The following PLEKHH2 variants were observed in gnomAD, a reference collection of about 807,000 sequenced individuals.
PLEKHH2 encodes pleckstrin homology domain-containing family H member 2.
A neutral mutation model predicts 187.9 loss-of-function variants in PLEKHH2; 129 were observed. The ratio of observed to expected loss-of-function variants is 0.69; its 90% CI spans 0.59 to 0.79. The LOEUF is 0.79. Among genes scored for constraint, PLEKHH2 ranks in the 30% least tolerant of loss-of-function variants. The pLI, the probability that PLEKHH2 is intolerant of heterozygous loss-of-function variation, is 0.00. For missense variants in PLEKHH2, 2,076 were observed against 1,751.2 expected (o/e 1.19, Z -3.31); for synonymous variants, 686 against 605.6 (o/e 1.13, Z -1.95).
At chr2:43,684,799 C>T (rs1236989123) in intron 3 of PLEKHH2, among the ~76,000 whole-genome samples, 1 of 139,500 alleles carries the variant, frequency 7.2e-6, no homozygotes, top group Non-Finnish European at 1.5e-5. Context: ...TTATTTTAGA[C>T]ATACTGCTAC....
intron 15 of PLEKHH2, among the ~76,000 whole-genome samples, chr2:43,712,762 A>G (rs755232575): frequency 6.4e-4 from 97 of 152,318 alleles, no homozygotes; most frequent in Non-Finnish European, 4.1e-4. Flanking sequence ...AAAAGACTCA[A>G]TGGGCAGGAA....
chr2:43,728,809 G>A (rs997476194), intron 17 of PLEKHH2, among the ~76,000 whole-genome samples: 4 of 151,902 alleles, frequency 2.6e-5, no homozygotes, highest in African/African-American at 9.7e-5. Context: ...TGATCCACCC[G>A]GCTTGGCCTC....
chr2:43,677,030 A>G (rs753135054), intron 2 of PLEKHH2, among the ~76,000 whole-genome samples: 1 of 152,130 alleles, frequency 6.6e-6, no homozygotes, highest in Non-Finnish European at 1.5e-5. Flanking sequence ...ACTGAAGAAA[A>G]TTCTATTGAT....
At chr2:43,670,671 T>A (rs559563626) in intron 2 of PLEKHH2, among the ~76,000 whole-genome samples, 1 of 152,264 alleles carries the variant, frequency 6.6e-6, no homozygotes, top group East Asian at 1.9e-4. Context: ...CCTGTGCATT[T>A]CTATACAAAT....
intron 3 of PLEKHH2, among the ~76,000 whole-genome samples, chr2:43,686,427 C>G (rs898719372): frequency 6.6e-6 from 1 of 152,310 alleles, no homozygotes; most frequent in East Asian, 1.9e-4. Context: ...AAACTCCTGA[C>G]CTCAGGTGAT....
At chr2:43,722,161 C>T (rs535404508) in intron 16 of PLEKHH2, among the ~76,000 whole-genome samples, 2 of 147,232 alleles carry the variant, frequency 1.4e-5, no homozygotes, top group East Asian at 2.0e-4. Flanking sequence ...GAGGCTAAGG[C>T]AGGAGGATTG....
intron 16 of PLEKHH2, among the ~76,000 whole-genome samples, chr2:43,725,332 T>C (rs1207120765): frequency 6.6e-6 from 1 of 152,164 alleles, no homozygotes; most frequent in African/African-American, 2.4e-5. Context: ...TCTTAGTGTG[T>C]CCAAAGGGAA....
chr2:43,758,238 T>C (rs1397879099), intron 26 of PLEKHH2, among the ~76,000 whole-genome samples: 2 of 152,176 alleles, frequency 1.3e-5, no homozygotes, highest in Non-Finnish European at 2.9e-5. Context: ...GGGATTCATC[T>C]TTGGGCTCTA....
intron 23 of PLEKHH2, 36 bp downstream of exon 23, chr2:43,744,025 G>A (rs930489516): frequency 4.4e-6 from 7 of 1,594,702 alleles, no homozygotes; most frequent in African/African-American, 4.0e-5. Flanking sequence ...CAAGCCCAAC[G>A]AACAGCAAAG....
Position 43,765,579 on chromosome 2 carries a change from A to G in PLEKHH2, c.4463A>G (p.Lys1488Arg). The G allele has an allele frequency of 1.2e-6, 2 of 1,613,680 alleles. No homozygotes were observed. The highest frequency in any genetic ancestry group is 1.7e-6 in the Non-Finnish European group (2 of 1,179,884). Residue 1488 changes from lysine (K) to arginine (R), a missense_variant, in exon 30 of 30, where the codon AAA (lysine) becomes AGA (arginine). Physicochemically the swap from Lys to Arg is conservative, Grantham distance 26. Coordinates refer to ENST00000282406, the MANE Select transcript of PLEKHH2 (RefSeq NM_172069.4). ...QPLLSSSRPT[K>R]GPTLL The stretch of plus-strand genomic sequence containing the variant: ...CTTCTGTCAAGCAGCAGACCGACCA[A>G]AGGCCCCACCTTACTCTGAAAGCTG...
At chr2:43,754,532 G>A (rs1429487118) in intron 25 of PLEKHH2, among the ~76,000 whole-genome samples, 2 of 152,290 alleles carry the variant, frequency 1.3e-5, no homozygotes, top group East Asian at 3.9e-4. Context: ...ACCTACCAGG[G>A]AGTCCGGGGA....
intron 11 of PLEKHH2, among the ~76,000 whole-genome samples, chr2:43,708,637 G>A (rs1199793697): frequency 2.6e-5 from 4 of 152,098 alleles, no homozygotes; most frequent in Non-Finnish European, 4.4e-5. Context: ...GTCTCCTTCC[G>A]CTAGAATTTG....
chr2:43,757,071 C>G, intron 25 of PLEKHH2, 48 bp from the exon 26 acceptor site: 1 of 1,411,760 alleles, frequency 7.1e-7, no homozygotes, highest in East Asian at 2.5e-5. Context: ...GATTTTCTGT[C>G]TTAAAACTCT....
At chr2:43,677,453 G>A (rs986417000) in intron 2 of PLEKHH2, among the ~76,000 whole-genome samples, 7 of 152,064 alleles carry the variant, frequency 4.6e-5, no homozygotes, top group Middle Eastern at 3.2e-3. Context: ...ATCTTGCAAC[G>A]CCCTTAATCC....
At chr2:43,714,364 G>A (rs188474101) in intron 15 of PLEKHH2, among the ~76,000 whole-genome samples, 98 of 152,252 alleles carry the variant, frequency 6.4e-4, no homozygotes, top group Non-Finnish European at 1.1e-3. Flanking sequence ...AGGGTTTATA[G>A]CCAGGATGCT....
At chr2:43,640,060 G>C (rs1703302310) in intron 1 of PLEKHH2, among the ~76,000 whole-genome samples, 1 of 151,958 alleles carries the variant, frequency 6.6e-6, no homozygotes, top group South Asian at 2.1e-4. Context: ...TACAAGTTTT[G>C]GTGTGGATGT....
chr2:43,714,033 CA>C (rs1670095293), intron 15 of PLEKHH2, among the ~76,000 whole-genome samples: 2 of 152,146 alleles, frequency 1.3e-5, no homozygotes, highest in African/African-American at 4.8e-5. Flanking sequence ...GGTTAGGGAA[CA>C]AAATATTTGC....
intron 2 of PLEKHH2, among the ~76,000 whole-genome samples, chr2:43,668,191 C>A (rs1308484234): frequency 6.6e-6 from 1 of 152,100 alleles, no homozygotes; most frequent in Non-Finnish European, 1.5e-5. Context: ...CACCACCACT[C>A]CTGGCTAATT....
intron 11 of PLEKHH2, among the ~76,000 whole-genome samples, chr2:43,708,936 G>C (rs1669805687): frequency 6.6e-6 from 1 of 152,228 alleles, no homozygotes; most frequent in Non-Finnish European, 1.5e-5. Flanking sequence ...AGTGTCACAA[G>C]AGTGGCATTG....
Sources: allele counts gnomAD v4.1 joint callset (sites outside exome capture counted in the v4.1 genomes callset), GRCh38; gene constraint gnomAD v4.1.1; transcripts MANE v1.5; gene names NCBI Gene and HGNC (gene_info 2026-07-23, HGNC 2026-07-21).